Variants in NRG1 observed in about 807,000 individuals in gnomAD.
NRG1 encodes the protein neuregulin 1, also known as pro-neuregulin-1, membrane-bound isoform.
In NRG1, 18 loss-of-function variants were observed where a neutral mutation model predicts 63.8. That is an observed-to-expected ratio of 0.28 (90% CI 0.19 to 0.42). The LOEUF is 0.42. Ranked by LOEUF, NRG1 falls within the 10% of genes least tolerant of loss-of-function variation. The probability of loss-of-function intolerance (pLI) is 1.00; values close to 1 mark genes in which losing one functional copy is unlikely to be tolerated. For synonymous variants in NRG1, 302 were observed against 301.3 expected, an observed-to-expected ratio of 1.00 and a Z score of -0.02; for missense variants, 762 against 814.7, an observed-to-expected ratio of 0.94 and a Z score of 0.79.
chr8:32,523,720 C>T lies in NRG1; in HGVS notation c.38-72108C>T, dbSNP rs538207025. Among the ~76,000 whole-genome samples, 13 of 151,898 alleles carry T rather than the reference C, an allele frequency of 8.6e-5. No homozygotes were observed. The East Asian group carries it at 2.0e-3, about 23-fold the overall frequency. ...CAAAAATTAGTTGGGCATGGTGGCA[C>T]GTGCCTGTAATCCCAGCTACTTGAG... On this transcript the variant is annotated intron_variant, in intron 1 of 10. Transcript: ENST00000519301.
chr8:32,069,223 C>T (rs1045689607), intron 1 of NRG1, among the ~76,000 whole-genome samples: 8 of 152,038 alleles, frequency 5.3e-5, no homozygotes, highest in African/African-American at 1.9e-4. Flanking sequence ...CAAATAATCC[C>T]CTACAGCAAG....
chr8:32,342,779 G>A (rs759690623), intron 1 of NRG1, among the ~76,000 whole-genome samples: 1 of 152,260 alleles, frequency 6.6e-6, no homozygotes, highest in Non-Finnish European at 1.5e-5. Context: ...AAATAAACAA[G>A]CATTTGTTTT....
chr8:31,915,221 C>G (rs1010524316), intron 1 of NRG1, among the ~76,000 whole-genome samples: 2 of 151,976 alleles, frequency 1.3e-5, no homozygotes, highest in Non-Finnish European at 2.9e-5. Flanking sequence ...AAAAACATGT[C>G]CACTCAAAAT....
intron 1 of NRG1, among the ~76,000 whole-genome samples, chr8:31,917,063 T>TC (rs1833457315): frequency 1.3e-5 from 2 of 150,490 alleles, no homozygotes; most frequent in Non-Finnish European, 3.0e-5. Context: ...TTTGTTTTTT[T>TC]CTTGTAAATT....
intron 1 of NRG1, among the ~76,000 whole-genome samples, chr8:31,946,077 T>A (rs1412356894): frequency 1.3e-5 from 2 of 152,228 alleles, no homozygotes; most frequent in Non-Finnish European, 1.5e-5. Context: ...CTTCCCTCCA[T>A]AAGCACCCTG....
intron 1 of NRG1, among the ~76,000 whole-genome samples, chr8:32,042,026 G>A (rs577275855): frequency 1.8e-4 from 28 of 152,300 alleles, no homozygotes; most frequent in African/African-American, 6.5e-4. Flanking sequence ...GCTCAGAAGA[G>A]TTTGAAAATG....
At chr8:31,968,004 A>T (rs1327147704) in intron 1 of NRG1, among the ~76,000 whole-genome samples, 1 of 152,166 alleles carries the variant, frequency 6.6e-6, no homozygotes, top group Non-Finnish European at 1.5e-5. Context: ...TGCTGTGGAA[A>T]AGACTAGACC....
chr8:32,608,352 T>A (rs550342467), intron 3 of NRG1, among the ~76,000 whole-genome samples: 41 of 150,424 alleles, frequency 2.7e-4, no homozygotes, highest in South Asian at 1.1e-3. Context: ...AAAAAAAAAA[T>A]TTTGTTTGAG....
intron 1 of NRG1, among the ~76,000 whole-genome samples, chr8:32,527,774 A>T (rs144429896): frequency 0.021 from 3,231 of 152,274 alleles, 39 homozygotes; most frequent in Middle Eastern, 0.048. Context: ...TGCCCATTTC[A>T]ATAAATGTCA....
chr8:31,951,186 C>T (rs75129644), intron 1 of NRG1, among the ~76,000 whole-genome samples: 2 of 152,324 alleles, frequency 1.3e-5, no homozygotes, highest in Admixed American at 6.5e-5. Flanking sequence ...TGACTGTTCT[C>T]TCTGGAGATG....
chr8:32,045,168 G>A (rs1820807110), intron 1 of NRG1, among the ~76,000 whole-genome samples: 1 of 151,762 alleles, frequency 6.6e-6, no homozygotes, highest in Non-Finnish European at 1.5e-5. Context: ...AAGGTTATGT[G>A]TTTATTTATG....
chr8:31,802,031 A>G (rs1821840638), intron 1 of NRG1, among the ~76,000 whole-genome samples: 1 of 152,184 alleles, frequency 6.6e-6, no homozygotes, highest in South Asian at 2.1e-4. Flanking sequence ...TCTTGTATCA[A>G]AATTCATCAC....
chr8:32,719,088 C>T (rs1257517072), intron 5 of NRG1, among the ~76,000 whole-genome samples: 1 of 152,034 alleles, frequency 6.6e-6, no homozygotes, highest in African/African-American at 2.4e-5. Flanking sequence ...GTTTGACAGT[C>T]ATGGAAATCT....
chr8:31,796,469 G>C, intron 1 of NRG1, among the ~76,000 whole-genome samples: 1 of 113,520 alleles, frequency 8.8e-6, no homozygotes, highest in South Asian at 3.0e-4. Context: ...GTCTCGCTCT[G>C]TCACCGAGGC....
intron 1 of NRG1, among the ~76,000 whole-genome samples, chr8:32,511,361 A>ATG (rs1225099571): frequency 6.9e-5 from 6 of 86,358 alleles, no homozygotes; most frequent in African/African-American, 2.3e-4. Flanking sequence ...CTGTCGATAT[A>ATG]TATGTGTATA....
At chr8:32,441,725 A>T (rs1819572165) in intron 1 of NRG1, among the ~76,000 whole-genome samples, 1 of 152,262 alleles carries the variant, frequency 6.6e-6, no homozygotes, top group East Asian at 1.9e-4. Context: ...GAGTCTCAAC[A>T]GAGGCCATTC....
chr8:32,009,660 G>C (rs1461006502), intron 1 of NRG1, among the ~76,000 whole-genome samples: 1 of 151,824 alleles, frequency 6.6e-6, no homozygotes, highest in Non-Finnish European at 1.5e-5. Flanking sequence ...AGGTGAAGGA[G>C]CTTTACTCTT....
rs149772018 is a variant in NRG1 at position 31,885,131 on chromosome 8, A to G, written c.37+245700A>G. ...CAATAGATGCAGACTCATGAAGTGC[A>G]GTATGATTTCGATAAGGCCTAAGCA... On this transcript the variant is annotated intron_variant, in intron 1 of 10. Coordinates refer to the NRG1 transcript ENST00000519301. Among the ~76,000 whole-genome samples, 446 of 152,274 alleles carry G rather than the reference A, an allele frequency of 2.9e-3. 2 individuals are homozygous for G. The Middle Eastern group carries it at 0.041, about 14-fold the overall frequency.
At chr8:32,361,661 G>A (rs1807230600) in intron 1 of NRG1, among the ~76,000 whole-genome samples, 1 of 152,018 alleles carries the variant, frequency 6.6e-6, no homozygotes, top group Non-Finnish European at 1.5e-5. Flanking sequence ...TCAAGAGGAG[G>A]CACTTTCCTT....
Sources: gnomAD v4.1 joint callset for allele counts (sites outside exome capture counted in the v4.1 genomes callset) on GRCh38, gnomAD v4.1.1 for gene constraint, MANE v1.5 for transcripts, NCBI Gene and HGNC (gene_info 2026-07-23, HGNC 2026-07-21) for gene names.